NAV2: variants seen among roughly 807,000 people sequenced by gnomAD.
NAV2 encodes helicase, APC down-regulated 1.
In NAV2, 54 loss-of-function variants were observed where a neutral mutation model predicts 223.2. That is an observed-to-expected ratio of 0.24 (90% CI 0.19 to 0.30). The LOEUF (loss-of-function observed/expected upper bound fraction) is 0.30. NAV2 is among the 10% of genes least tolerant of loss of function. NAV2 has a pLI of 1.00. For synonymous variants in NAV2, 1,279 were observed against 1,239.3 expected (o/e 1.03, Z -0.67); for missense variants, 2,806 against 3,147.5 (o/e 0.89, Z 2.60).
intron 10 of NAV2, among the ~76,000 whole-genome samples, chr11:19,975,861 T>A (rs1822277): frequency 0.095 from 14,525 of 152,260 alleles, 746 homozygotes; most frequent in African/African-American, 0.14. Flanking sequence ...AGCCAACTCA[T>A]GCTGGATGTG....
At chr11:20,046,799 A>T (rs1348197549) in intron 14 of NAV2, among the ~76,000 whole-genome samples, 3 of 152,168 alleles carry the variant, frequency 2.0e-5, no homozygotes, top group Non-Finnish European at 4.4e-5. Flanking sequence ...GTATTATCTT[A>T]TTATAATATC....
intron 1 of NAV2, among the ~76,000 whole-genome samples, chr11:19,722,150 T>A (rs1012240180): frequency 2.0e-5 from 3 of 152,214 alleles, no homozygotes; most frequent in Non-Finnish European, 4.4e-5. Flanking sequence ...ATCTTCTTTC[T>A]GGTATAGTGT....
At chr11:19,662,880 T>G (rs2048324354) in intron 1 of NAV2, among the ~76,000 whole-genome samples, 1 of 152,218 alleles carries the variant, frequency 6.6e-6, no homozygotes, top group South Asian at 2.1e-4. Context: ...GGGACCCAGA[T>G]GATGCCTGCT....
intron 1 of NAV2, among the ~76,000 whole-genome samples, chr11:19,410,241 C>G (rs9630156): frequency 0.016 from 2,501 of 152,298 alleles, 18 homozygotes; most frequent in South Asian, 0.026. Flanking sequence ...GCTTCCTCCT[C>G]TGGGCCCTTT....
intron 6 of NAV2, among the ~76,000 whole-genome samples, chr11:19,896,095 G>A (rs184697091): frequency 9.2e-5 from 14 of 152,276 alleles, no homozygotes; most frequent in African/African-American, 3.4e-4. Flanking sequence ...CTTCCTGTAA[G>A]TGAGTCAGAC....
chr11:19,579,191 G>A (rs2045646970), intron 1 of NAV2, among the ~76,000 whole-genome samples: 2 of 152,168 alleles, frequency 1.3e-5, no homozygotes, highest in African/African-American at 4.8e-5. Flanking sequence ...GTGTGGCCTT[G>A]GGAAAGTTTT....
chr11:20,005,735 G>A (rs2053011858), intron 11 of NAV2, among the ~76,000 whole-genome samples: 1 of 152,200 alleles, frequency 6.6e-6, no homozygotes, highest in Non-Finnish European at 1.5e-5. Context: ...ACTCCTGCAA[G>A]GCTGGTGTGT....
At chr11:20,018,887 G>A (rs1457285959) in intron 11 of NAV2, among the ~76,000 whole-genome samples, 1 of 152,144 alleles carries the variant, frequency 6.6e-6, no homozygotes, top group Admixed American at 6.5e-5. Context: ...GGCCGCCAGT[G>A]GGAGACATGG....
At chr11:19,741,687 GTATATATATATATATATA>G (rs1156844957) in intron 1 of NAV2, among the ~76,000 whole-genome samples, 417 of 21,064 alleles carry the variant, frequency 0.02, 1 homozygote, top group Middle Eastern at 0.033. Flanking sequence ...GTGTGTGTGT[GTATATATATATATATATA>G]TATATATATA....
intron 1 of NAV2, among the ~76,000 whole-genome samples, chr11:19,363,316 C>T (rs749601763): frequency 3.9e-5 from 6 of 152,118 alleles, no homozygotes; most frequent in Non-Finnish European, 1.5e-5. Flanking sequence ...TGAACTCATC[C>T]TTTTTTATGG....
intron 1 of NAV2, among the ~76,000 whole-genome samples, chr11:19,436,658 AT>A (rs1184890915): frequency 2.6e-5 from 4 of 152,086 alleles, no homozygotes; most frequent in African/African-American, 9.7e-5. Flanking sequence ...GAATCTATAG[AT>A]TGCTTTGGGT....
intron 11 of NAV2, chr11:20,027,141 G>T (rs1231578768): frequency 2.9e-5 from 11 of 373,760 alleles, no homozygotes; most frequent in Non-Finnish European, 4.1e-5. Flanking sequence ...ATAGTTAGAG[G>T]AGATGATGCT....
chr11:20,083,191 T>G lies in NAV2; in HGVS notation c.5498+12T>G. ...CACTCCAACTCTCTGTAAGTCTGTC[T>G]GTCTAGTCAGATAACATCTTTGGCC... On this transcript the variant is annotated intron_variant, in intron 26 of 37. Coordinates refer to ENST00000349880, the MANE Select transcript of NAV2 (RefSeq NM_145117.5). 6.2e-7 allele frequency: 1 copy of G among 1,607,550 alleles called. No homozygotes were observed. Among genetic ancestry groups the G allele is most frequent in the Non-Finnish European group, 8.5e-7 (1 of 1,176,544 alleles).
At chr11:19,634,818 G>A (rs1207287421) in intron 1 of NAV2, among the ~76,000 whole-genome samples, 1 of 152,152 alleles carries the variant, frequency 6.6e-6, no homozygotes, top group Non-Finnish European at 1.5e-5. Context: ...AACAAGATAG[G>A]CTTCCCAGAA....
Position 19,933,227 on chromosome 11 carries a change from C to A in NAV2, c.983C>A (p.Pro328His). 1 of 1,582,864 alleles carries A rather than the reference C, an allele frequency of 6.3e-7. No individual in the cohort carries two copies. The highest frequency in any genetic ancestry group is 1.2e-5 in the South Asian group (1 of 86,524). The change falls in exon 7 of 38, where the codon CCT becomes CAT. Residue 328 changes from proline to histidine, a missense_variant. This residue lies in a region of NAV2 where 1,167 missense variants were observed against 1,180.5 expected (regional missense o/e 0.99). Coordinates refer to ENST00000349880, the MANE Select transcript of NAV2 (RefSeq NM_145117.5). This position sits in a 1 kb window ranked among gnomAD's most constrained non-coding sequence, Gnocchi z 4.3. ...CACCCCGGAATGAGTGACAATGCACCTGCTTCCTTGGAGAGCGGCAGCAGC... is the reference window on the plus strand; with the variant it reads ...CACCCCGGAATGAGTGACAATGCACATGCTTCCTTGGAGAGCGGCAGCAGC... ...SSHPGMSDNAPASLESGSSST... is the reference protein window; with the variant it reads ...SSHPGMSDNAHASLESGSSST...
At chr11:20,082,389 C>T (rs1412379161) in intron 25 of NAV2, among the ~76,000 whole-genome samples, 2 of 152,176 alleles carry the variant, frequency 1.3e-5, no homozygotes, top group African/African-American at 4.8e-5. Context: ...ACCTGCTATT[C>T]CCTTCCTTTC....
At chr11:19,528,894 C>T (rs1364257861) in intron 1 of NAV2, among the ~76,000 whole-genome samples, 2 of 137,234 alleles carry the variant, frequency 1.5e-5, no homozygotes, top group Admixed American at 8.0e-5. Flanking sequence ...CATGCCACTG[C>T]ACTCCAGCCC....
intron 1 of NAV2, among the ~76,000 whole-genome samples, chr11:19,419,172 T>G (rs138366179): frequency 1.2e-4 from 19 of 152,298 alleles, no homozygotes; most frequent in Non-Finnish European, 2.4e-4. Context: ...GGCCCCTGCC[T>G]GCAAGTAGCT....
intron 1 of NAV2, among the ~76,000 whole-genome samples, chr11:19,423,563 A>G (rs999548702): frequency 2.0e-5 from 3 of 152,256 alleles, no homozygotes; most frequent in Non-Finnish European, 4.4e-5. Flanking sequence ...TTTATTGAGC[A>G]TCTACTCTGT....
Sources: gnomAD v4.1 joint callset for allele counts (sites outside exome capture counted in the v4.1 genomes callset) on GRCh38, gnomAD v4.1.1 for gene constraint, gnomAD v4.1.1 regional missense constraint, Gnocchi (gnomAD v3.1) non-coding constraint, MANE v1.5 for transcripts, NCBI Gene and HGNC (gene_info 2026-07-23, HGNC 2026-07-21) for gene names.